SLC41A2: variants seen among roughly 807,000 people sequenced by gnomAD.
SLC41A2 encodes solute carrier family 41 member 2, also known as SLC41A1-like 1.
Under a neutral mutation model 58.3 loss-of-function variants are expected in SLC41A2, and 32 were observed. The ratio of observed to expected loss-of-function variants is 0.55; its 90% CI spans 0.41 to 0.74. The LOEUF (loss-of-function observed/expected upper bound fraction) is 0.74. Among genes scored for constraint, SLC41A2 ranks in the 30% least tolerant of loss-of-function variants. SLC41A2 has a pLI of 0.00. For synonymous variants in SLC41A2, 190 were observed against 235.0 expected, an observed-to-expected ratio of 0.81 and a Z score of 1.75; for missense variants, 514 against 680.6, an observed-to-expected ratio of 0.76 and a Z score of 2.72.
At chr12:104,828,586 T>C (rs1455779092) in intron 10 of SLC41A2, among the ~76,000 whole-genome samples, 1 of 152,122 alleles carries the variant, frequency 6.6e-6, no homozygotes, top group African/African-American at 2.4e-5. Context: ...TGCCCATCTG[T>C]ATGCTCCCCT....
At chr12:104,939,808 C>A (rs1222485685) in intron 1 of SLC41A2, among the ~76,000 whole-genome samples, 1 of 152,020 alleles carries the variant, frequency 6.6e-6, no homozygotes, top group African/African-American at 2.4e-5. Context: ...TTGAATATCC[C>A]AGAACTTGTT....
intron 10 of SLC41A2, among the ~76,000 whole-genome samples, chr12:104,807,408 C>A (rs2040962917): frequency 6.6e-6 from 1 of 152,158 alleles, no homozygotes; most frequent in East Asian, 1.9e-4. Flanking sequence ...GGGCTCTGTT[C>A]TGTTCCATTG....
At chr12:104,809,596 A>C (rs569222610) in intron 10 of SLC41A2, among the ~76,000 whole-genome samples, 1 of 152,312 alleles carries the variant, frequency 6.6e-6, no homozygotes, top group South Asian at 2.1e-4. Flanking sequence ...TTGGGTATGG[A>C]GGAAGCATGA....
At chr12:104,888,917 A>T in intron 5 of SLC41A2, 116 bp downstream of exon 5, 1 of 1,065,972 alleles carries the variant, frequency 9.4e-7, no homozygotes. Flanking sequence ...AAGTTTGTAG[A>T]TATGTTTTTT....
intron 10 of SLC41A2, among the ~76,000 whole-genome samples, chr12:104,828,301 G>A (rs1330737343): frequency 6.6e-6 from 1 of 152,158 alleles, no homozygotes; most frequent in Non-Finnish European, 1.5e-5. Context: ...TCTCCCTTCT[G>A]GCTCCCCCAT....
chr12:104,913,712 C>G (rs1463680997), intron 2 of SLC41A2, among the ~76,000 whole-genome samples: 3 of 152,192 alleles, frequency 2.0e-5, no homozygotes, highest in African/African-American at 7.2e-5. Context: ...GAATGGCCAC[C>G]TTGCAGGCTG....
chr12:104,836,190 C>A (rs531783419), intron 10 of SLC41A2, among the ~76,000 whole-genome samples: 1 of 152,278 alleles, frequency 6.6e-6, no homozygotes, highest in African/African-American at 2.4e-5. Flanking sequence ...TAGACTGGAG[C>A]CAGTCTCCAT....
rs555471208 is a variant in SLC41A2, at chr12:104,914,607, C to T, written c.556-4845G>A. On this transcript the variant is annotated intron_variant, in intron 2 of 10. Transcript: ENST00000258538. ...TCCCTCAAAAACTTAAAATATCCCA[C>T]AGTAACCCTGGAGTGTCTTGACACA... Among the ~76,000 whole-genome samples the T allele has an allele frequency of 7.9e-5, 12 of 152,322 alleles. No individual in the cohort carries two copies. In the South Asian group the frequency reaches 2.5e-3, roughly 32 times the overall value.
At chr12:104,899,222 C>T (rs780066707) in intron 3 of SLC41A2, among the ~76,000 whole-genome samples, 8 of 152,098 alleles carry the variant, frequency 5.3e-5, no homozygotes, top group Non-Finnish European at 1.0e-4. Context: ...GTTCTTTGAA[C>T]ATATTCATAC....
intron 2 of SLC41A2, among the ~76,000 whole-genome samples, chr12:104,927,177 G>A (rs1477450580): frequency 6.6e-6 from 1 of 152,122 alleles, no homozygotes; most frequent in African/African-American, 2.4e-5. Flanking sequence ...CGACTTGACA[G>A]TATCTACAAA....
intron 6 of SLC41A2, among the ~76,000 whole-genome samples, chr12:104,868,867 A>G (rs1372404170): frequency 2.0e-5 from 3 of 152,236 alleles, no homozygotes; most frequent in African/African-American, 7.2e-5. Context: ...CATTATGCTA[A>G]GTGAAAGATG....
chr12:104,923,687 A>G (rs528031948), intron 2 of SLC41A2, among the ~76,000 whole-genome samples: 8 of 152,314 alleles, frequency 5.3e-5, no homozygotes, highest in African/African-American at 1.7e-4. Context: ...ACTATTATGA[A>G]CAACTATACA....
At chr12:104,899,905 T>C (rs2079645158) in intron 3 of SLC41A2, among the ~76,000 whole-genome samples, 1 of 152,188 alleles carries the variant, frequency 6.6e-6, no homozygotes, top group Admixed American at 6.5e-5. Context: ...GTTGTTGTTG[T>C]GGCTGTTGTT....
intron 8 of SLC41A2, among the ~76,000 whole-genome samples, chr12:104,852,645 A>T (rs2042843991): frequency 6.6e-6 from 1 of 152,186 alleles, no homozygotes; most frequent in African/African-American, 2.4e-5. Flanking sequence ...AATTGTACCA[A>T]ACTAAAAAGA....
At chr12:104,872,225 G>C (rs905671452) in intron 6 of SLC41A2, among the ~76,000 whole-genome samples, 3 of 152,178 alleles carry the variant, frequency 2.0e-5, no homozygotes, top group African/African-American at 4.8e-5. Flanking sequence ...CTGACTCCGC[G>C]AGGCCTAAAT....
chr12:104,870,603 A>T (rs1345718166), intron 6 of SLC41A2, among the ~76,000 whole-genome samples: 1 of 152,204 alleles, frequency 6.6e-6, no homozygotes, highest in Admixed American at 6.5e-5. Context: ...ACGGAAAAGT[A>T]AAGATTAACA....
intron 1 of SLC41A2, among the ~76,000 whole-genome samples, chr12:104,948,545 G>C (rs1365858874): frequency 6.6e-6 from 1 of 152,098 alleles, no homozygotes; most frequent in Non-Finnish European, 1.5e-5. Flanking sequence ...ATCCTTTACA[G>C]TTTAGAAAAC....
chr12:104,807,018 T>C (rs1466428705), intron 10 of SLC41A2, among the ~76,000 whole-genome samples: 2 of 152,142 alleles, frequency 1.3e-5, no homozygotes, highest in African/African-American at 2.4e-5. Flanking sequence ...TGTAGGTTGC[T>C]TGTTCACTCT....
chr12:104,872,680 A>G (rs1246634331), intron 6 of SLC41A2, among the ~76,000 whole-genome samples: 2 of 151,896 alleles, frequency 1.3e-5, no homozygotes, highest in Non-Finnish European at 2.9e-5. Flanking sequence ...CAGTGAGCCG[A>G]GATCACACCA....
Sources: gnomAD v4.1 joint callset for allele counts (sites outside exome capture counted in the v4.1 genomes callset) on GRCh38, gnomAD v4.1.1 for gene constraint, MANE v1.5 for transcripts, NCBI Gene and HGNC (gene_info 2026-07-23, HGNC 2026-07-21) for gene names.